Variants in ISM1 observed in about 807,000 individuals in gnomAD.
ISM1 encodes the protein isthmin 1.
Under a neutral mutation model 46.3 loss-of-function variants are expected in ISM1, and 25 were observed. The ratio of observed to expected loss-of-function variants is 0.54; its 90% confidence interval spans 0.39 to 0.75. The LOEUF is 0.75. ISM1 is among the 30% of genes least tolerant of loss of function. The pLI, the probability that ISM1 is intolerant of heterozygous loss-of-function variation, is 0.00. For synonymous variants in ISM1, 255 were observed against 256.7 expected, an observed-to-expected ratio of 0.99 and a Z score of 0.06; for missense variants, 536 against 625.4, an observed-to-expected ratio of 0.86 and a Z score of 1.52.
chr20:13,313,091 C>T, the ISM1 span, among the ~76,000 whole-genome samples: 1 of 152,284 alleles, frequency 6.6e-6, no homozygotes, highest in Middle Eastern at 3.4e-3. Context: ...CTTTGGGCCC[C>T]ATCCCACCAC....
chr20:13,221,682 T>G lies in ISM1; in HGVS notation c.-95T>G. On this transcript the variant is annotated 5_prime_UTR_variant, in exon 1 of 6. Coordinates refer to ENST00000262487, the MANE Select transcript of ISM1 (RefSeq NM_080826.2). Reference sequence around the variant, plus strand: ...GCGGGAGCCGAGGCGGGAGCCGCGCTGCCGGGCTCCCGGGCTCCTACTCCT... The same window carrying G: ...GCGGGAGCCGAGGCGGGAGCCGCGCGGCCGGGCTCCCGGGCTCCTACTCCT... The G allele has an allele frequency of 9.2e-7, 1 of 1,092,160 alleles. No homozygotes were observed. The allele number at this position is 1,092,160 out of a possible 1,614,324, so 67.7% of individuals were successfully genotyped here.
chr20:13,249,800 GTTTTGTTTTGTTTT>G (rs2039845928), intron 1 of ISM1, among the ~76,000 whole-genome samples: 1 of 114,758 alleles, frequency 8.7e-6, no homozygotes. Flanking sequence ...GTTTTGTTTT[GTTTTGTTTTGTTTT>G]GTTTTGTTTT....
chr20:13,313,245 C>G, the ISM1 span, among the ~76,000 whole-genome samples: 1 of 152,192 alleles, frequency 6.6e-6, no homozygotes, highest in Non-Finnish European at 1.5e-5. Context: ...CTAACAATTT[C>G]CCCCCACACG....
At chr20:13,286,063 CT>C (rs2040288727) in intron 3 of ISM1, among the ~76,000 whole-genome samples, 1 of 152,210 alleles carries the variant, frequency 6.6e-6, no homozygotes, top group Non-Finnish European at 1.5e-5. Context: ...AATAAGATTT[CT>C]TCTGACTTAC....
intron 1 of ISM1, among the ~76,000 whole-genome samples, chr20:13,225,351 T>G (rs1194386552): frequency 1.1e-4 from 17 of 152,158 alleles, no homozygotes. Flanking sequence ...AGTCATACAC[T>G]CAAGAGAGAG....
intron 1 of ISM1, among the ~76,000 whole-genome samples, chr20:13,223,165 AAT>A (rs1475058419): frequency 3.1e-4 from 45 of 143,516 alleles, no homozygotes; most frequent in African/African-American, 9.0e-4. Flanking sequence ...TCAAAAAAAA[AAT>A]AAAATAAAAT....
At chr20:13,287,140 G>A (rs886297377) in intron 3 of ISM1, among the ~76,000 whole-genome samples, 25 of 152,294 alleles carry the variant, frequency 1.6e-4, no homozygotes, top group African/African-American at 5.5e-4. Context: ...TTCTCATACT[G>A]CTCATGAAGA....
At position 13,221,287 on chromosome 20, in the gene ISM1, C is replaced by T. The variant is rs1162532985; in HGVS notation, c.-490C>T. The stretch of plus-strand genomic sequence containing the variant: ...CTTCTCCTTCTCCTCCTCCTCCTCC[C>T]CGCGCTTCTCTGGCGGCCGCTCCCG... On this transcript the variant is annotated 5_prime_UTR_variant, in exon 1 of 6. Coordinates refer to ENST00000262487, the MANE Select transcript of ISM1 (RefSeq NM_080826.2). Among the ~76,000 whole-genome samples the T allele has an allele frequency of 9.2e-5, 13 of 141,296 alleles. No homozygotes were observed. The East Asian group carries it at 2.1e-3, about 23-fold the overall frequency. The allele number at this position is 141,296 out of a possible 152,430, so 92.7% of individuals were successfully genotyped here.
chr20:13,318,136 A>AAAATAAATAAATAAATAAAT, the ISM1 span, among the ~76,000 whole-genome samples: 34,467 of 144,784 alleles, frequency 0.24, 4,473 homozygotes, highest in African/African-American at 0.28. Flanking sequence ...GACACTTGAA[A>AAAATAAATAAATAAATAAAT]AAATAAATAA....
At chr20:13,252,455 AG>A (rs1218282380) in intron 1 of ISM1, among the ~76,000 whole-genome samples, 1 of 152,168 alleles carries the variant, frequency 6.6e-6, no homozygotes, top group Non-Finnish European at 1.5e-5. Flanking sequence ...TTCAGTATAA[AG>A]GGGCGCCATC....
intron 2 of ISM1, among the ~76,000 whole-genome samples, chr20:13,275,821 T>A (rs2040172720): frequency 1.3e-5 from 2 of 152,154 alleles, no homozygotes; most frequent in African/African-American, 4.8e-5. Context: ...TAATTGGGAA[T>A]CAGAAGAACT....
intron 1 of ISM1, among the ~76,000 whole-genome samples, chr20:13,257,287 GGAGGATCATCT>G (rs1465428232): frequency 2.0e-5 from 3 of 152,190 alleles, no homozygotes; most frequent in Admixed American, 1.3e-4. Context: ...GACCAAAGTG[GGAGGATCATCT>G]GAGGTCAGGA....
intron 1 of ISM1, among the ~76,000 whole-genome samples, chr20:13,246,336 C>G (rs79255957): frequency 0.036 from 5,429 of 151,824 alleles, 168 homozygotes; most frequent in African/African-American, 0.076. Context: ...TCTGAACCCT[C>G]ACAGCATGGT....
intron 1 of ISM1, among the ~76,000 whole-genome samples, chr20:13,236,679 T>C (rs2039654037): frequency 6.6e-6 from 1 of 152,186 alleles, no homozygotes; most frequent in Admixed American, 6.5e-5. Context: ...GGTACAGGTA[T>C]TGGGTAAATA....
Position 13,270,726 on chromosome 20 carries a change from C to A in ISM1, c.361C>A (p.Gln121Lys). ...PDLSKADING[Q>K]NPNIQVTIEV... ...TCTTTCCAAAGCTGATATCAATGGG[C>A]AGAATCCAAATATCCAGGTAATTCT... is the stretch of plus-strand genomic sequence containing the variant. Residue 121 changes from glutamine to lysine, a missense_variant, in exon 2 of 6, where the codon CAG becomes AAG. Coordinates refer to ENST00000262487, the MANE Select transcript of ISM1 (RefSeq NM_080826.2). 1 of 1,613,750 alleles carries A rather than the reference C, an allele frequency of 6.2e-7. No homozygotes were observed. The highest frequency in any genetic ancestry group is 1.1e-5 in the South Asian group (1 of 91,022).
chr20:13,305,851 C>A, the ISM1 span, among the ~76,000 whole-genome samples: 2 of 152,126 alleles, frequency 1.3e-5, no homozygotes, highest in Non-Finnish European at 2.9e-5. Context: ...TTTTTAATTT[C>A]TGTGTAGAGA....
intron 3 of ISM1, among the ~76,000 whole-genome samples, chr20:13,286,654 C>G (rs1007410437): frequency 1.3e-5 from 2 of 152,110 alleles, no homozygotes; most frequent in South Asian, 4.2e-4. Flanking sequence ...ATGAAATCCA[C>G]CCCCCACCAC....
At chr20:13,278,790 G>A (rs1212535522) in intron 2 of ISM1, among the ~76,000 whole-genome samples, 1 of 152,200 alleles carries the variant, frequency 6.6e-6, no homozygotes, top group African/African-American at 2.4e-5. Flanking sequence ...ACCCAATTGA[G>A]GCTGGAAGAT....
chr20:13,237,530 T>A (rs1330731342), intron 1 of ISM1, among the ~76,000 whole-genome samples: 1 of 152,122 alleles, frequency 6.6e-6, no homozygotes, highest in Non-Finnish European at 1.5e-5. Flanking sequence ...ACCTGTGCTG[T>A]TGGAAGAGAG....
Sources: gnomAD v4.1 joint callset for allele counts (sites outside exome capture counted in the v4.1 genomes callset) on GRCh38, gnomAD v4.1.1 for gene constraint, MANE v1.5 for transcripts, NCBI Gene and HGNC (gene_info 2026-07-23, HGNC 2026-07-21) for gene names.